Variants in ADAMTSL3 observed in about 807,000 individuals in gnomAD.
ADAMTSL3 encodes ADAMTS like 3, also known as ADAMTS-like protein 3.
ADAMTSL3 carries 128 observed loss-of-function variants against 201.7 expected under a neutral mutation model. The observed-to-expected ratio is 0.63, with a 90% CI of 0.55 to 0.73. The LOEUF is 0.73. ADAMTSL3 is among the 30% of genes least tolerant of loss of function. The pLI, the probability that ADAMTSL3 is intolerant of heterozygous loss-of-function variation, is 0.00. For missense variants in ADAMTSL3, 1,990 were observed against 2,119.6 expected (o/e 0.94, Z 1.20); for synonymous variants, 738 against 748.4 (o/e 0.99, Z 0.23).
At chr15:83,899,826 A>T (rs2065689093) in intron 15 of ADAMTSL3, 95 bp downstream of exon 15, 7 of 1,445,114 alleles carry the variant, frequency 4.8e-6, no homozygotes, top group Middle Eastern at 1.8e-4. Flanking sequence ...TGATACATTT[A>T]ATATCCAAAT....
intron 3 of ADAMTSL3, among the ~76,000 whole-genome samples, chr15:83,727,353 A>AT (rs749846811): frequency 1.5e-4 from 22 of 149,194 alleles, no homozygotes; most frequent in Admixed American, 2.7e-4. Context: ...TGTTTCATTG[A>AT]TTTTTTTTGT....
At chr15:83,928,704 A>G (rs1213561834) in intron 17 of ADAMTSL3, among the ~76,000 whole-genome samples, 1 of 152,242 alleles carries the variant, frequency 6.6e-6, no homozygotes, top group Admixed American at 6.5e-5. Context: ...TTTACAATTC[A>G]TTCTCTGCCA....
intron 9 of ADAMTSL3, among the ~76,000 whole-genome samples, chr15:83,873,289 G>A (rs2065116265): frequency 6.9e-6 from 1 of 145,172 alleles, no homozygotes; most frequent in Admixed American, 6.7e-5. Context: ...GGGCAACAGA[G>A]CAAGACTCCA....
intron 9 of ADAMTSL3, among the ~76,000 whole-genome samples, chr15:83,874,817 A>C (rs754095067): frequency 6.9e-6 from 1 of 145,024 alleles, no homozygotes; most frequent in Non-Finnish European, 1.5e-5. Context: ...CATGGATTTG[A>C]GTAAGTTGCT....
chr15:83,877,106 A>C lies in ADAMTSL3; in HGVS notation c.960+6147A>C, dbSNP rs530517097. Among the ~76,000 whole-genome samples, 3 of 152,036 alleles carry C rather than the reference A, an allele frequency of 2.0e-5. No individual in the cohort carries two copies. In the East Asian group the frequency reaches 5.9e-4, roughly 30 times the overall value. ...ACTGTGCCCAGCCAAATTAAACAAA[A>C]AAAATTTTTTTTTTGTAGTAACAGG... is the stretch of plus-strand genomic sequence containing the variant. On this transcript the variant is annotated intron_variant, in intron 9 of 29. Coordinates refer to ENST00000286744, the MANE Select transcript of ADAMTSL3 (RefSeq NM_207517.3).
intron 23 of ADAMTSL3, 21 bp downstream of exon 23, chr15:83,991,235 G>T (rs909836853): frequency 1.2e-6 from 2 of 1,613,672 alleles, no homozygotes; most frequent in East Asian, 4.5e-5. Context: ...TCATTTCAGT[G>T]GGAGGCCATT....
At chr15:83,969,722 G>A (rs1475936671) in intron 19 of ADAMTSL3, among the ~76,000 whole-genome samples, 1 of 152,174 alleles carries the variant, frequency 6.6e-6, no homozygotes. Context: ...CCCCATACTG[G>A]GGGAATGGGG....
At chr15:83,904,540 A>G (rs1482826330) in intron 15 of ADAMTSL3, among the ~76,000 whole-genome samples, 4 of 152,188 alleles carry the variant, frequency 2.6e-5, no homozygotes, top group East Asian at 1.9e-4. Flanking sequence ...CTGAATTTAC[A>G]TAGGGAGCGG....
intron 2 of ADAMTSL3, among the ~76,000 whole-genome samples, chr15:83,676,745 C>T (rs1259135634): frequency 6.6e-6 from 1 of 152,220 alleles, no homozygotes; most frequent in East Asian, 1.9e-4. Context: ...AGGTGATCAA[C>T]TCATGAGGGC....
intron 21 of ADAMTSL3, among the ~76,000 whole-genome samples, chr15:83,986,724 A>G (rs1275900448): frequency 2.6e-5 from 4 of 152,244 alleles, no homozygotes; most frequent in Admixed American, 2.6e-4. Flanking sequence ...ATTCAATGAG[A>G]GAAACTGTGT....
chr15:83,826,854 G>A (rs911293089), intron 6 of ADAMTSL3, among the ~76,000 whole-genome samples: 2 of 151,890 alleles, frequency 1.3e-5, no homozygotes, highest in African/African-American at 4.8e-5. Flanking sequence ...CCTTTTTTAT[G>A]GCTGCATAGT....
At chr15:83,981,481 A>G (rs2067383984) in intron 20 of ADAMTSL3, among the ~76,000 whole-genome samples, 1 of 152,224 alleles carries the variant, frequency 6.6e-6, no homozygotes. Flanking sequence ...GATATAAACA[A>G]TCTGACTTAA....
chr15:83,924,835 A>T (rs573294965), intron 17 of ADAMTSL3, among the ~76,000 whole-genome samples: 1 of 152,120 alleles, frequency 6.6e-6, no homozygotes, highest in Non-Finnish European at 1.5e-5. Context: ...GAGAAGAATT[A>T]GTTGCCGAAA....
chr15:83,900,326 G>A (rs1296939849), intron 15 of ADAMTSL3, among the ~76,000 whole-genome samples: 2 of 152,236 alleles, frequency 1.3e-5, no homozygotes, highest in African/African-American at 4.8e-5. Context: ...CCATCTGCAT[G>A]TGATTTGATG....
chr15:83,830,287 A>G (rs1311938141), intron 6 of ADAMTSL3, among the ~76,000 whole-genome samples: 2 of 152,162 alleles, frequency 1.3e-5, no homozygotes, highest in African/African-American at 4.8e-5. Flanking sequence ...CTAATGATCT[A>G]ATGTCATTGG....
intron 3 of ADAMTSL3, among the ~76,000 whole-genome samples, chr15:83,738,950 A>AT (rs2062410529): frequency 1.2e-4 from 16 of 138,338 alleles, no homozygotes; most frequent in Admixed American, 8.9e-4. Context: ...TCCACAAGAA[A>AT]AAAAATAAAA....
At chr15:83,856,130 CTG>C (rs1308889095) in intron 7 of ADAMTSL3, among the ~76,000 whole-genome samples, 1 of 151,708 alleles carries the variant, frequency 6.6e-6, no homozygotes, top group East Asian at 1.9e-4. Flanking sequence ...CTTAAAATGA[CTG>C]ATGCTGTAGT....
At chr15:83,836,042 T>G (rs755257634) in intron 6 of ADAMTSL3, among the ~76,000 whole-genome samples, 71 of 152,378 alleles carry the variant, frequency 4.7e-4, no homozygotes, top group Admixed American at 8.5e-4. Flanking sequence ...TGAAATAATG[T>G]GTACAATATT....
At chr15:83,823,183 G>A (rs936141574) in intron 6 of ADAMTSL3, among the ~76,000 whole-genome samples, 26 of 139,296 alleles carry the variant, frequency 1.9e-4, no homozygotes, top group Admixed American at 2.8e-4. Context: ...GAGGGAGACC[G>A]TGGGGAGAGG....
Sources: gnomAD v4.1 joint callset for allele counts (sites outside exome capture counted in the v4.1 genomes callset) on GRCh38, gnomAD v4.1.1 for gene constraint, MANE v1.5 for transcripts, NCBI Gene and HGNC (gene_info 2026-07-23, HGNC 2026-07-21) for gene names.